The following ZNF90 variants were observed in gnomAD, a reference collection of about 807,000 sequenced individuals.
ZNF90 encodes the protein zinc finger protein 90.
Under a neutral mutation model 12.0 loss-of-function variants are expected in ZNF90, and 11 were observed. That is an observed-to-expected ratio of 0.92 (90% CI 0.58 to 1.52). The LOEUF is 1.52. ZNF90 is among the 40% of genes most tolerant of loss of function. The pLI, the probability that ZNF90 is intolerant of heterozygous loss-of-function variation, is 0.00. For missense variants in ZNF90, 765 were observed against 711.5 expected (o/e 1.08, Z -0.86); for synonymous variants, 232 against 240.1 (o/e 0.97, Z 0.31).
chr19:20,096,182 C>T (rs996789446), intron 1 of ZNF90, among the ~76,000 whole-genome samples: 9 of 151,734 alleles, frequency 5.9e-5, no homozygotes, highest in African/African-American at 1.2e-4. Context: ...AAAAAGAGGC[C>T]GCTTACCGGA....
chr19:20,090,292 G>A (rs1039156106), intron 1 of ZNF90, among the ~76,000 whole-genome samples: 6 of 152,126 alleles, frequency 3.9e-5, no homozygotes, highest in African/African-American at 1.4e-4. Context: ...AAAAAGTAGG[G>A]TAAGGACGAA....
rs1408043661 is a variant in ZNF90, at chr19:20,118,804, T to C, written c.1250T>C (p.Ile417Thr). 1 of 1,603,998 alleles carries C rather than the reference T, an allele frequency of 6.2e-7. No individual in the cohort carries two copies. Among genetic ancestry groups the C allele is most frequent in the Non-Finnish European group, 8.5e-7 (1 of 1,175,092 alleles). Residue 417 changes from isoleucine (I) to threonine (T), a missense_variant, in exon 4 of 4, where the codon ATA (isoleucine) becomes ACA (threonine). Ile to Thr is a moderately conservative substitution (Grantham distance 89). Coordinates refer to ENST00000418063, the MANE Select transcript of ZNF90 (RefSeq NM_007138.2). ...KRSSTLTIHK[I>T]SHTEEKPYKC... ...TCCTCAACACTTACTATACATAAGA[T>C]AAGTCATACTGAAGAGAAACCCTAC...
Position 20,078,049 on chromosome 19 carries a change from C to A in ZNF90, c.-84C>A, listed in dbSNP as rs919711490. 4 of 1,583,804 alleles carry A rather than the reference C, an allele frequency of 2.5e-6. No homozygotes were observed. Among genetic ancestry groups the A allele is most frequent in the African/African-American group, 2.7e-5 (2 of 74,310 alleles). ...GCTCCAAATCTGGTCTTAGCTGCTT[C>A]GTGTCTTCTTCTCCAGCCTCTGTGG... On this transcript the variant is annotated 5_prime_UTR_variant, in exon 1 of 4. Coordinates refer to ENST00000418063, the MANE Select transcript of ZNF90 (RefSeq NM_007138.2).
At chr19:20,102,014 A>G (rs1555703950) in intron 1 of ZNF90, among the ~76,000 whole-genome samples, 1 of 152,228 alleles carries the variant, frequency 6.6e-6, no homozygotes, top group African/African-American at 2.4e-5. Flanking sequence ...TATGCCATGC[A>G]GAATTCTTAG....
intron 3 of ZNF90, among the ~76,000 whole-genome samples, chr19:20,110,096 C>T (rs184716476): frequency 1.3e-5 from 2 of 152,228 alleles, no homozygotes; most frequent in Admixed American, 1.3e-4. Flanking sequence ...CAATGTTCAT[C>T]TTAAAATGTG....
In ZNF90 at chr19:20,117,909, A is replaced by T. The variant is rs1555705868; in HGVS notation, c.355A>T (p.Ser119Cys). 1 of 1,612,744 alleles carries T rather than the reference A, an allele frequency of 6.2e-7. No homozygotes were observed. ...TTTAGAGTTAAAAAAAGGTTGTGAA[A>T]GTGTGGATGAGGGTAAAGTACACAA... ...GNLELKKGCE[S>C]VDEGKVHKRG... The change falls in exon 4 of 4, where the codon AGT becomes TGT. Residue 119 changes from serine to cysteine, a missense_variant. Coordinates refer to ENST00000418063, the MANE Select transcript of ZNF90 (RefSeq NM_007138.2).
At chr19:20,100,436 C>T (rs577117141) in intron 1 of ZNF90, among the ~76,000 whole-genome samples, 1 of 152,184 alleles carries the variant, frequency 6.6e-6, no homozygotes, top group Non-Finnish European at 1.5e-5. Context: ...TTAAGTTTGT[C>T]TCTTCCAGAA....
intron 1 of ZNF90, among the ~76,000 whole-genome samples, chr19:20,097,743 G>T (rs146152602): frequency 7.9e-5 from 12 of 152,296 alleles, no homozygotes; most frequent in Non-Finnish European, 1.8e-4. Flanking sequence ...TCTGAAAAGT[G>T]CAAGTACTTT....
chr19:20,108,982 C>T (rs1245111952), intron 3 of ZNF90, among the ~76,000 whole-genome samples: 7 of 151,888 alleles, frequency 4.6e-5, no homozygotes, highest in Non-Finnish European at 1.0e-4. Context: ...CTCAGCCTCC[C>T]AAAGTGCTGG....
intron 1 of ZNF90, among the ~76,000 whole-genome samples, chr19:20,098,853 T>C (rs1007954658): frequency 6.6e-6 from 1 of 152,226 alleles, no homozygotes; most frequent in South Asian, 2.1e-4. Context: ...AAGAGGTGTC[T>C]TTGGTACCCA....
chr19:20,081,270 C>T (rs1046771906), intron 1 of ZNF90, among the ~76,000 whole-genome samples: 3 of 151,988 alleles, frequency 2.0e-5, no homozygotes, highest in Non-Finnish European at 1.5e-5. Context: ...CTCACTTCAA[C>T]CTCTGCCTCC....
At chr19:20,093,869 G>A (rs542251665) in intron 1 of ZNF90, among the ~76,000 whole-genome samples, 8 of 143,860 alleles carry the variant, frequency 5.6e-5, no homozygotes, top group East Asian at 2.3e-4. Flanking sequence ...CGAGGCGATC[G>A]GGCAATGTCA....
intron 3 of ZNF90, among the ~76,000 whole-genome samples, chr19:20,108,952 T>C (rs1555704729): frequency 1.3e-5 from 2 of 151,920 alleles, no homozygotes; most frequent in Non-Finnish European, 2.9e-5. Context: ...CTCGAGCTCC[T>C]GACCTCGTGA....
At chr19:20,117,315 A>T (rs185585839) in intron 3 of ZNF90, among the ~76,000 whole-genome samples, 1,959 of 152,238 alleles carry the variant, frequency 0.013, 28 homozygotes, top group South Asian at 0.021. Context: ...AAGTGCTGGG[A>T]TTAAAGGCAT....
chr19:20,112,008 A>G (rs2122519456), intron 3 of ZNF90, among the ~76,000 whole-genome samples: 1 of 151,750 alleles, frequency 6.6e-6, no homozygotes, highest in South Asian at 2.1e-4. Flanking sequence ...ACAGGCATGC[A>G]CCACCATGCC....
At position 20,119,495 on chromosome 19, in the gene ZNF90, C is replaced by T; in HGVS notation, c.*135C>T. 1.3e-6 allele frequency: 1 copy of T among 765,298 alleles called. No homozygotes were observed. Among genetic ancestry groups the T allele is most frequent in the Non-Finnish European group, 2.1e-6 (1 of 484,202 alleles). The allele number at this position is 765,298 out of a possible 1,614,324, so 47.4% of individuals were successfully genotyped here. On this transcript the variant is annotated 3_prime_UTR_variant, in exon 4 of 4. Coordinates refer to ENST00000418063, the MANE Select transcript of ZNF90 (RefSeq NM_007138.2). ...TGAGAATTTATATGAAACATAACTCCTACAAAAATAAAGAATGTGACAAAT... is the reference window on the plus strand; with the variant it reads ...TGAGAATTTATATGAAACATAACTCTTACAAAAATAAAGAATGTGACAAAT...
At chr19:20,087,734 A>G (rs1199888823) in intron 1 of ZNF90, among the ~76,000 whole-genome samples, 1 of 152,236 alleles carries the variant, frequency 6.6e-6, no homozygotes, top group Non-Finnish European at 1.5e-5. Context: ...TTGTGTGAGC[A>G]ATAAAGCTTT....
At chr19:20,109,831 ACT>A (rs2089071462) in intron 3 of ZNF90, among the ~76,000 whole-genome samples, 1 of 151,550 alleles carries the variant, frequency 6.6e-6, no homozygotes, top group African/African-American at 2.4e-5. Flanking sequence ...ACAGAGTGAG[ACT>A]CTGTCTCCAA....
At chr19:20,078,446 C>T (rs1005018289) in intron 1 of ZNF90, among the ~76,000 whole-genome samples, 16 of 151,976 alleles carry the variant, frequency 1.1e-4, no homozygotes, top group African/African-American at 3.9e-4. Context: ...AATCCTGACT[C>T]GGGGTGCAGG....
Sources: gnomAD v4.1 joint callset for allele counts (sites outside exome capture counted in the v4.1 genomes callset) on GRCh38, gnomAD v4.1.1 for gene constraint, MANE v1.5 for transcripts, NCBI Gene and HGNC (gene_info 2026-07-23, HGNC 2026-07-21) for gene names.